The following RYR2 variants were observed in gnomAD, a reference collection of about 807,000 sequenced individuals.
RYR2 encodes cardiac muscle ryanodine receptor-calcium release channel.
In RYR2, 227 loss-of-function variants were observed where a neutral mutation model predicts 601.1. The ratio of observed to expected loss-of-function variants is 0.38; its 90% CI spans 0.34 to 0.42. The LOEUF (loss-of-function observed/expected upper bound fraction) is 0.42. RYR2 is among the 10% of genes least tolerant of loss of function. The pLI is 1.00. For missense variants in RYR2, 4,646 were observed against 6,156.5 expected (o/e 0.75, Z 8.21); for synonymous variants, 2,223 against 2,175.1 (o/e 1.02, Z -0.61).
At chr1:237,650,170 T>G in intron 50 of RYR2, 73 bp downstream of exon 50, 1 of 1,385,152 alleles carries the variant, frequency 7.2e-7, no homozygotes, top group African/African-American at 1.4e-5. Flanking sequence ...TTTGACAAAT[T>G]ATTTAGAATT....
chr1:237,829,017 A>G (rs1663475111), intron 102 of RYR2, among the ~76,000 whole-genome samples: 1 of 152,168 alleles, frequency 6.6e-6, no homozygotes, highest in Admixed American at 6.5e-5. Context: ...TTATATACCA[A>G]GACTGATTTT....
chr1:237,145,841 A>G (rs1673941298), intron 1 of RYR2, among the ~76,000 whole-genome samples: 1 of 152,212 alleles, frequency 6.6e-6, no homozygotes, highest in Non-Finnish European at 1.5e-5. Flanking sequence ...GAGGAATTAG[A>G]TGCCTCAGCT....
rs200921429 is a variant in RYR2, at chr1:237,639,161, C to T, written c.7075C>T (p.Arg2359Ter). Residue 2359 changes from arginine (R) to a stop codon, truncating the protein, a stop_gained, in exon 46 of 105, where the codon CGA becomes TGA. Coordinates refer to ENST00000366574, the MANE Select transcript of RYR2 (RefSeq NM_001035.3). LOFTEE classifies it high-confidence loss of function. ...EAIKIAEDPS[R>*]DGPSPNSGSS... ...CATCAAAATCGCCGAGGATCCTTCCCGAGATGGTCCCTCACCAAATAGCGG... is the reference window on the plus strand; with the variant it reads ...CATCAAAATCGCCGAGGATCCTTCCTGAGATGGTCCCTCACCAAATAGCGG... The T allele has an allele frequency of 1.9e-6, 3 of 1,613,714 alleles. No individual in the cohort carries two copies. The highest frequency in any genetic ancestry group is 1.1e-5 in the South Asian group (1 of 91,044).
intron 48 of RYR2, among the ~76,000 whole-genome samples, chr1:237,647,688 T>C (rs1682315494): frequency 3.3e-5 from 5 of 152,356 alleles, no homozygotes; most frequent in Admixed American, 3.3e-4. Flanking sequence ...TGTGATAGTA[T>C]TTGTAGAAGA....
Position 237,760,972 on chromosome 1 carries a change from C to A in RYR2, c.11420C>A (p.Ala3807Glu). The A allele has an allele frequency of 1.3e-6, 2 of 1,573,248 alleles. No homozygotes were observed. Among genetic ancestry groups the A allele is most frequent in the Non-Finnish European group, 1.7e-6 (2 of 1,157,282 alleles). Residue 3807 changes from alanine (A) to glutamate (E), a missense_variant, in exon 84 of 105, where the codon GCA becomes GAA. Physicochemically the swap from Ala to Glu is moderately radical, Grantham distance 107 (BLOSUM62 -1). This residue lies in a region of RYR2 where 1,497 missense variants were observed against 1,842.6 expected (regional missense o/e 0.81). Coordinates refer to ENST00000366574, the MANE Select transcript of RYR2 (RefSeq NM_001035.3). The part of the protein sequence containing the change: ...MQSCSVLDLN[A>E]FERQNKAEGL... ...TATTATAGTGTCCTTGACCTAAATG[C>A]ATTTGAGCGACAAAACAAAGCTGAA...
At chr1:237,466,253 C>A (rs1471919034) in intron 16 of RYR2, among the ~76,000 whole-genome samples, 1 of 152,070 alleles carries the variant, frequency 6.6e-6, no homozygotes, top group African/African-American at 2.4e-5. Flanking sequence ...GTAGCCTTGA[C>A]CTTCCAGGCT....
intron 50 of RYR2, 99 bp downstream of exon 50, chr1:237,650,196 A>G (rs1021088953): frequency 2.7e-6 from 3 of 1,123,632 alleles, no homozygotes; most frequent in Non-Finnish European, 3.9e-6. Context: ...AACATTTTCC[A>G]TACCACAAAT....
At chr1:237,065,633 A>G (rs971246096) in intron 1 of RYR2, among the ~76,000 whole-genome samples, 2 of 152,068 alleles carry the variant, frequency 1.3e-5, no homozygotes, top group Non-Finnish European at 2.9e-5. Context: ...CACCATCCCT[A>G]GCCCATGGGA....
At chr1:237,586,794 A>G (rs983190558) in intron 29 of RYR2, among the ~76,000 whole-genome samples, 8 of 151,916 alleles carry the variant, frequency 5.3e-5, no homozygotes, top group Admixed American at 4.6e-4. Context: ...ATCTAGGCTC[A>G]CTGCAATGTC....
At chr1:237,744,513 G>A (rs1212630348) in intron 80 of RYR2, among the ~76,000 whole-genome samples, 8 of 151,712 alleles carry the variant, frequency 5.3e-5, no homozygotes, top group African/African-American at 7.3e-5. Context: ...AAAATTAGCC[G>A]GGCGTGGTAG....
intron 2 of RYR2, among the ~76,000 whole-genome samples, chr1:237,305,279 G>A (rs1411119045): frequency 1.3e-5 from 2 of 152,120 alleles, no homozygotes; most frequent in African/African-American, 4.8e-5. Flanking sequence ...TGCAGCGGAT[G>A]ACTCTGAGCA....
In RYR2 at chr1:237,134,978, A is replaced by G. The variant is rs182806774; in HGVS notation, c.48+92409A>G. On this transcript the variant is annotated intron_variant, in intron 1 of 104. Coordinates refer to ENST00000366574, the MANE Select transcript of RYR2 (RefSeq NM_001035.3). ...CCTGTGCCTCATGGTGGGAGGAAAA[A>G]TGGACATGGAATAGAACCATGCTGA... Among the ~76,000 whole-genome samples, 4 of 152,178 alleles carry G rather than the reference A, an allele frequency of 2.6e-5. No homozygotes were observed. The South Asian group carries it at 8.3e-4, about 31-fold the overall frequency.
At chr1:237,622,570 T>C (rs1260786880) in intron 38 of RYR2, among the ~76,000 whole-genome samples, 1 of 152,188 alleles carries the variant, frequency 6.6e-6, no homozygotes, top group Non-Finnish European at 1.5e-5. Context: ...GAGCTGGTCC[T>C]CTCTATCTGT....
At chr1:237,615,936 G>A (rs1463279615) in intron 37 of RYR2, among the ~76,000 whole-genome samples, 1 of 152,164 alleles carries the variant, frequency 6.6e-6, no homozygotes. Flanking sequence ...AAGGAACAAG[G>A]CAGGGTGTTC....
At chr1:237,245,759 A>C (rs889396280) in intron 1 of RYR2, among the ~76,000 whole-genome samples, 1 of 152,132 alleles carries the variant, frequency 6.6e-6, no homozygotes, top group African/African-American at 2.4e-5. Context: ...AAGTCACTTT[A>C]TGCCTGCTTG....
At chr1:237,783,233 T>C (rs1695270560) in intron 89 of RYR2, among the ~76,000 whole-genome samples, 1 of 152,192 alleles carries the variant, frequency 6.6e-6, no homozygotes, top group Non-Finnish European at 1.5e-5. Flanking sequence ...AATTTCCTCA[T>C]CGGTAAAATT....
chr1:237,050,540 C>G (rs1168862380), intron 1 of RYR2, among the ~76,000 whole-genome samples: 1 of 152,124 alleles, frequency 6.6e-6, no homozygotes, highest in African/African-American at 2.4e-5. Context: ...TTTCCTTTAA[C>G]ATTTTTGGTA....
chr1:237,230,857 A>C (rs766318886), intron 1 of RYR2, among the ~76,000 whole-genome samples: 7 of 142,618 alleles, frequency 4.9e-5, no homozygotes, highest in Middle Eastern at 3.8e-3. Flanking sequence ...TGAATCTAGG[A>C]GGTGGGGCTT....
chr1:237,798,353 G>C (rs556784947), intron 97 of RYR2, among the ~76,000 whole-genome samples, 183 bp downstream of exon 97: 1 of 152,196 alleles, frequency 6.6e-6, no homozygotes, highest in East Asian at 1.9e-4. Flanking sequence ...GGAATTATTG[G>C]ATTTTTTTTC....
Sources: gnomAD v4.1 joint callset for allele counts (sites outside exome capture counted in the v4.1 genomes callset) on GRCh38, gnomAD v4.1.1 for gene constraint, gnomAD v4.1.1 regional missense constraint, MANE v1.5 for transcripts, NCBI Gene and HGNC (gene_info 2026-07-23, HGNC 2026-07-21) for gene names.